The following SNTA1 variants were observed in gnomAD, a reference collection of about 807,000 sequenced individuals.
SNTA1 encodes syntrophin alpha 1.
SNTA1 carries 31 observed loss-of-function variants against 47.1 expected under a neutral mutation model. That is an observed-to-expected ratio of 0.66 (90% CI 0.49 to 0.89). The LOEUF (loss-of-function observed/expected upper bound fraction) is 0.89. Ranked by LOEUF, SNTA1 falls within the 40% of genes least tolerant of loss-of-function variation. SNTA1 has a pLI of 0.00. For synonymous variants in SNTA1, 300 were observed against 313.6 expected (o/e 0.96, Z 0.46); for missense variants, 575 against 693.0 (o/e 0.83, Z 1.91).
chr20:33,419,392 G>A (rs986953714), intron 2 of SNTA1, among the ~76,000 whole-genome samples: 3 of 152,220 alleles, frequency 2.0e-5, no homozygotes, highest in African/African-American at 7.2e-5. Context: ...CGCAGGAGAT[G>A]CCTCTGAGGC....
rs935897258 is a variant in SNTA1, at chr20:33,443,652, C to T, written c.-32G>A. On this transcript the variant is annotated 5_prime_UTR_variant, in exon 1 of 8. Transcript: ENST00000217381. ...CTCCGAGCCCCCGGGCCGCCGCGCT[C>T]GCCCTGTCCCGCTTTGCCCAGCCCG... 24 of 1,171,098 alleles carry T rather than the reference C, an allele frequency of 2.0e-5. No individual in the cohort carries two copies. The highest frequency in any genetic ancestry group is 2.3e-5 in the Non-Finnish European group (22 of 949,116). The allele number at this position is 1,171,098 out of a possible 1,614,324, so 72.5% of individuals were successfully genotyped here.
intron 2 of SNTA1, among the ~76,000 whole-genome samples, chr20:33,427,727 C>A (rs1990201507): frequency 6.6e-6 from 1 of 152,104 alleles, no homozygotes; most frequent in East Asian, 1.9e-4. Context: ...GTCCATCCTG[C>A]AAGAGGCTAG....
intron 1 of SNTA1, 48 bp downstream of exon 1, chr20:33,443,263 G>A: frequency 1.4e-6 from 2 of 1,419,474 alleles, no homozygotes; most frequent in Non-Finnish European, 1.9e-6. Flanking sequence ...TGCGCCCTCG[G>A]CTGCCCCCAG....
chr20:33,430,435 C>T (rs903949553), intron 2 of SNTA1, among the ~76,000 whole-genome samples: 14 of 150,816 alleles, frequency 9.3e-5, no homozygotes, highest in African/African-American at 3.2e-4. Flanking sequence ...ACTACAGGCA[C>T]GCGCTAAATT....
At chr20:33,435,086 G>A (rs866798627) in intron 2 of SNTA1, among the ~76,000 whole-genome samples, 3 of 141,858 alleles carry the variant, frequency 2.1e-5, no homozygotes, top group African/African-American at 5.3e-5. Flanking sequence ...TCCGCCTCCC[G>A]TGTTCAAGAT....
intron 1 of SNTA1, 44 bp downstream of exon 1, chr20:33,443,267 C>G: frequency 6.9e-7 from 1 of 1,442,036 alleles, no homozygotes; most frequent in East Asian, 2.9e-5. Context: ...CCCTCGGCTG[C>G]CCCCAGACAC....
chr20:33,437,453 A>C (rs947910981), intron 2 of SNTA1, among the ~76,000 whole-genome samples: 6 of 151,882 alleles, frequency 4.0e-5, no homozygotes, highest in Non-Finnish European at 8.8e-5. Flanking sequence ...CAAGAAAAAA[A>C]AATGCATCCA....
In SNTA1 at chr20:33,417,724, C is replaced by T. The variant is rs1989909415; in HGVS notation, c.696G>A (p.Glu232=). ...VSKRCTPNDP[E]PRYLEICSAD... ...GCTCCCAACCCCAGCCTTACCTGGG[C>T]TCCGGGTCATTGGGGGTGCACCTCT... The change falls in exon 3 of 8, where the codon GAG becomes GAA. Residue 232 remains glutamate, a synonymous_variant. Transcript: ENST00000217381. 1 of 1,613,312 alleles carries T rather than the reference C, an allele frequency of 6.2e-7. No individual in the cohort carries two copies. Among genetic ancestry groups the T allele is most frequent in the Admixed American group, 1.7e-5 (1 of 59,966 alleles).
intron 2 of SNTA1, among the ~76,000 whole-genome samples, chr20:33,436,362 A>G (rs1482159717): frequency 6.6e-6 from 1 of 152,212 alleles, no homozygotes; most frequent in African/African-American, 2.4e-5. Context: ...ATTTCGATGA[A>G]TGTCAGTGGT....
At chr20:33,409,776 G>A (rs891295864) in intron 6 of SNTA1, among the ~76,000 whole-genome samples, 1 of 151,642 alleles carries the variant, frequency 6.6e-6, no homozygotes, top group Admixed American at 6.6e-5. Context: ...GACTACAGGC[G>A]CCCACCACCA....
intron 1 of SNTA1, among the ~76,000 whole-genome samples, chr20:33,442,539 T>C (rs1026112785): frequency 6.6e-6 from 1 of 152,208 alleles, no homozygotes; most frequent in Non-Finnish European, 1.5e-5. Context: ...GCTGGTGTGG[T>C]GAGCCCTGCT....
At chr20:33,437,430 A>C (rs1439192368) in intron 2 of SNTA1, among the ~76,000 whole-genome samples, 1 of 34,120 alleles carries the variant, frequency 2.9e-5, no homozygotes, top group Non-Finnish European at 6.2e-5. Flanking sequence ...CCTGTCTCGA[A>C]AAAAAAAAAA....
At chr20:33,423,103 A>G (rs1222054980) in intron 2 of SNTA1, among the ~76,000 whole-genome samples, 1 of 152,116 alleles carries the variant, frequency 6.6e-6, no homozygotes, top group Non-Finnish European at 1.5e-5. Context: ...GCAAATGAAC[A>G]TTTGTCAACT....
At chr20:33,424,885 C>T (rs1017643120) in intron 2 of SNTA1, among the ~76,000 whole-genome samples, 2 of 151,158 alleles carry the variant, frequency 1.3e-5, no homozygotes, top group Non-Finnish European at 3.0e-5. Flanking sequence ...GGGGGGCCGA[C>T]GCGGGCAGAT....
intron 2 of SNTA1, among the ~76,000 whole-genome samples, chr20:33,428,279 T>C (rs954920910): frequency 6.6e-6 from 1 of 151,948 alleles, no homozygotes; most frequent in Non-Finnish European, 1.5e-5. Context: ...TGTGGTGGTG[T>C]GCACCTGTAG....
intron 1 of SNTA1, 83 bp downstream of exon 1, chr20:33,443,228 T>C (rs956036677): frequency 7.1e-6 from 8 of 1,130,030 alleles, no homozygotes; most frequent in African/African-American, 6.5e-5. Flanking sequence ...TCCAGCTCCA[T>C]GTCCTGGGCG....
At chr20:33,431,467 G>T (rs1990306045) in intron 2 of SNTA1, among the ~76,000 whole-genome samples, 1 of 152,002 alleles carries the variant, frequency 6.6e-6, no homozygotes, top group South Asian at 2.1e-4. Context: ...ATAGGGAAGG[G>T]CCGGGCACGG....
rs1411435863 is a variant in SNTA1 at position 33,426,014 on chromosome 20, T to C, written c.497-8091A>G. On this transcript the variant is annotated intron_variant, in intron 2 of 7. Coordinates refer to ENST00000217381, the MANE Select transcript of SNTA1 (RefSeq NM_003098.3). ...TCGCTTGAATCAGGGAGACAGAGGT[T>C]GCAGTGAGCCAAGATCGTACCATGG... Among the ~76,000 whole-genome samples the C allele has an allele frequency of 2.0e-5, 3 of 151,224 alleles. No individual in the cohort carries two copies. In the East Asian group the frequency reaches 5.9e-4, roughly 30 times the overall value.
chr20:33,412,866 C>A, intron 3 of SNTA1, 84 bp from the exon 4 acceptor site: 1 of 907,824 alleles, frequency 1.1e-6, no homozygotes, highest in Non-Finnish European at 1.7e-6. Flanking sequence ...CCACCCACCA[C>A]CAAACCAGGA....
Sources: allele counts gnomAD v4.1 joint callset (sites outside exome capture counted in the v4.1 genomes callset), GRCh38; gene constraint gnomAD v4.1.1; transcripts MANE v1.5; gene names NCBI Gene and HGNC (gene_info 2026-07-23, HGNC 2026-07-21).